The following KIF5C variants were observed in gnomAD, a reference collection of about 807,000 sequenced individuals.
KIF5C encodes kinesin heavy chain isoform 5C.
Under a neutral mutation model 125.2 loss-of-function variants are expected in KIF5C, and 18 were observed. That is an observed-to-expected ratio of 0.14 (90% CI 0.10 to 0.21). KIF5C has a LOEUF of 0.21. Ranked by LOEUF, KIF5C falls within the 10% of genes least tolerant of loss-of-function variation. The pLI, the probability that KIF5C is intolerant of heterozygous loss-of-function variation, is 1.00. For missense variants in KIF5C, 780 were observed against 1,183.8 expected (o/e 0.66, Z 5.01); for synonymous variants, 405 against 434.0 (o/e 0.93, Z 0.83).
At position 149,008,029 on chromosome 2, in the gene KIF5C, G is replaced by C. The variant is rs1263518084; in HGVS notation, c.2512G>C (p.Glu838Gln). The change falls in exon 23 of 26, where the codon GAG becomes CAG. Residue 838 changes from glutamate (E) to glutamine (Q), a missense_variant. By Grantham distance (29) the Glu-to-Gln change is conservative. Transcript: ENST00000435030. ...AAQKQKISFL[E>Q]NNLEQLTKVH... ...CCAGAAGCAGAAAATTTCCTTCTTG[G>C]AGAATAACCTGGAGCAGCTCACCAA... 4 of 1,612,296 alleles carry C rather than the reference G, an allele frequency of 2.5e-6. No individual in the cohort carries two copies. In the South Asian group the frequency reaches 4.4e-5, roughly 18 times the overall value.
chr2:148,978,869 A>C, intron 12 of KIF5C, 53 bp from the exon 13 acceptor site: 1 of 1,540,986 alleles, frequency 6.5e-7, no homozygotes, highest in Non-Finnish European at 8.8e-7. Context: ...GGAGACTGGG[A>C]TATCAAAAAT....
intron 4 of KIF5C, 33 bp downstream of exon 4, chr2:148,937,421 A>C: frequency 6.4e-7 from 1 of 1,552,130 alleles, no homozygotes; most frequent in Non-Finnish European, 8.7e-7. Context: ...CAGAGAAGAC[A>C]CTGGGCCCCA....
rs1681149806 is a variant in KIF5C, at chr2:148,875,385, G to A, written c.-233G>A. The A allele has an allele frequency of 6.0e-6, 3 of 499,876 alleles. No individual in the cohort carries two copies. Among genetic ancestry groups the A allele is most frequent in the Non-Finnish European group, 3.5e-6 (1 of 283,736 alleles). The allele number at this position is 499,876 out of a possible 1,614,324, so 31.0% of individuals were successfully genotyped here. A position where few individuals can be genotyped will look rare whatever the true frequency, so the allele number is the denominator to read the frequency against. On this transcript the variant is annotated 5_prime_UTR_variant, in exon 1 of 26. Coordinates refer to ENST00000435030, the MANE Select transcript of KIF5C (RefSeq NM_004522.3). ...TGGGCAGGGGCGGGGCAGGGCCAGG[G>A]CAGGCCGGTCTGCAGCCGGAGGGGC...
At chr2:148,985,432 C>T (rs1681354276) in intron 15 of KIF5C, among the ~76,000 whole-genome samples, 1 of 152,134 alleles carries the variant, frequency 6.6e-6, no homozygotes, top group Admixed American at 6.5e-5. Context: ...GTCCCCATCT[C>T]CCCCAAAAGT....
At chr2:148,937,155 C>T in intron 3 of KIF5C, 129 bp from the exon 4 acceptor site, 1 of 1,341,708 alleles carries the variant, frequency 7.5e-7, no homozygotes, top group South Asian at 1.5e-5. Context: ...CCCAAGGGAG[C>T]TGGCAGGCAC....
intron 12 of KIF5C, among the ~76,000 whole-genome samples, chr2:148,975,721 A>T (rs1681043664): frequency 6.6e-6 from 1 of 152,168 alleles, no homozygotes; most frequent in African/African-American, 2.4e-5. Flanking sequence ...GAGAGCATGC[A>T]CTGTGGACTC....
chr2:148,975,090 A>C (rs1681025985), intron 12 of KIF5C, among the ~76,000 whole-genome samples: 1 of 152,186 alleles, frequency 6.6e-6, no homozygotes, highest in Admixed American at 6.5e-5. Context: ...ATTTTCCTAC[A>C]GCATGTGCTT....
chr2:148,961,911 A>G, intron 10 of KIF5C, 60 bp from the exon 11 acceptor site: 6 of 1,555,784 alleles, frequency 3.9e-6, no homozygotes, highest in Non-Finnish European at 5.2e-6. Flanking sequence ...GGGCTTAATC[A>G]TATTGGTTTA....
intron 1 of KIF5C, among the ~76,000 whole-genome samples, chr2:148,906,005 G>T (rs1034265536): frequency 6.6e-6 from 1 of 152,080 alleles, no homozygotes; most frequent in African/African-American, 2.4e-5. Context: ...CTCCCACAGG[G>T]TACCCCCATG....
At chr2:148,878,483 C>CTAA (rs1681256703) in intron 1 of KIF5C, 1 of 152,114 alleles carries the variant, frequency 6.6e-6, no homozygotes, top group South Asian at 2.1e-4. Context: ...CGGTTTGGGG[C>CTAA]TAATATGGCT....
chr2:148,909,538 G>A (rs1681251052), intron 1 of KIF5C, among the ~76,000 whole-genome samples: 1 of 152,222 alleles, frequency 6.6e-6, no homozygotes, highest in African/African-American at 2.4e-5. Context: ...GCACATGGAG[G>A]ATTCTCAGTC....
intron 10 of KIF5C, among the ~76,000 whole-genome samples, chr2:148,960,946 T>G (rs576718813): frequency 1.3e-5 from 2 of 152,252 alleles, no homozygotes; most frequent in Non-Finnish European, 2.9e-5. Context: ...GCCACTTAGG[T>G]GTTCGTTTCT....
At chr2:148,944,933 G>C (rs1297998639) in intron 7 of KIF5C, among the ~76,000 whole-genome samples, 1 of 151,996 alleles carries the variant, frequency 6.6e-6, no homozygotes, top group Non-Finnish European at 1.5e-5. Flanking sequence ...GTGCTTATAG[G>C]CCATTTGTAT....
At chr2:148,939,372 T>C (rs1176722453) in intron 4 of KIF5C, among the ~76,000 whole-genome samples, 1 of 152,230 alleles carries the variant, frequency 6.6e-6, no homozygotes, top group Non-Finnish European at 1.5e-5. Context: ...CAAGGTTCTT[T>C]ATATCTAAGG....
Position 148,929,269 on chromosome 2 carries a change from T to C in KIF5C, c.218-12T>C. 1 of 1,518,670 alleles carries C rather than the reference T, an allele frequency of 6.6e-7. No homozygotes were observed. The highest frequency in any genetic ancestry group is 1.2e-5 in the South Asian group (1 of 83,146). The allele number at this position is 1,518,670 out of a possible 1,614,324, so 94.1% of individuals were successfully genotyped here. A position where few individuals can be genotyped will look rare whatever the true frequency, so the allele number is the denominator to read the frequency against. On this transcript the variant is annotated splice_polypyrimidine_tract_variant and intron_variant, in intron 2 of 25. Coordinates refer to ENST00000435030, the MANE Select transcript of KIF5C (RefSeq NM_004522.3). ...TAATGAGTTAATTTTAATTTCTTTT[T>C]CTTGTTCACAGATGTCCTTGAAGGT...
intron 24 of KIF5C, among the ~76,000 whole-genome samples, chr2:149,011,005 T>G: frequency 6.9e-6 from 1 of 143,980 alleles, no homozygotes; most frequent in East Asian, 2.0e-4. Flanking sequence ...TTCTTCTCCT[T>G]TTTTTTTTTT....
chr2:148,933,805 TACAC>T (rs1682228227), intron 3 of KIF5C, among the ~76,000 whole-genome samples: 1 of 136,092 alleles, frequency 7.3e-6, no homozygotes, highest in Non-Finnish European at 1.6e-5. Flanking sequence ...ATATACATGA[TACAC>T]ACACAGACAT....
intron 1 of KIF5C, among the ~76,000 whole-genome samples, chr2:148,881,452 C>T (rs1681350814): frequency 6.6e-6 from 1 of 151,974 alleles, no homozygotes; most frequent in Admixed American, 6.6e-5. Context: ...ATTTTTGTCT[C>T]CTTTACTGTA....
Position 148,973,438 on chromosome 2 carries a change from C to T in KIF5C, c.1220C>T (p.Ala407Val), listed in dbSNP as rs1402486886. 5.6e-6 allele frequency: 9 copies of T among 1,613,708 alleles called. No homozygotes were observed. Among genetic ancestry groups the T allele is most frequent in the African/African-American group, 1.3e-5 (1 of 75,036 alleles). The stretch of plus-strand genomic sequence containing the variant: ...ATAGACAATATTGCTCCTGTTGTTG[C>T]TGGCATCTCTACAGAGGAGAAAGAG... ...PIIDNIAPVV[A>V]GISTEEKEKY... Residue 407 changes from alanine to valine, a missense_variant, in exon 12 of 26, where the codon GCT becomes GTT. Ala to Val is a moderately conservative substitution (Grantham distance 64). Around this residue, in one of 2 missense-constraint regions of KIF5C, gnomAD observed 573 missense variants for 742.6 expected, o/e 0.77. Coordinates refer to ENST00000435030, the MANE Select transcript of KIF5C (RefSeq NM_004522.3).
Sources: allele counts gnomAD v4.1 joint callset (sites outside exome capture counted in the v4.1 genomes callset), GRCh38; gene constraint gnomAD v4.1.1; regional missense constraint gnomAD v4.1.1; transcripts MANE v1.5; gene names NCBI Gene and HGNC (gene_info 2026-07-23, HGNC 2026-07-21).